ROBO1: variants seen among roughly 807,000 people sequenced by gnomAD.
The protein encoded by ROBO1 is roundabout guidance receptor 1.
Under a neutral mutation model 195.9 loss-of-function variants are expected in ROBO1, and 149 were observed. That is an observed-to-expected ratio of 0.76 (90% CI 0.67 to 0.87). The LOEUF is 0.87. Among genes scored for constraint, ROBO1 ranks in the 40% least tolerant of loss-of-function variants. The probability of loss-of-function intolerance (pLI) is 0.00; values close to 1 mark genes in which losing one functional copy is unlikely to be tolerated. For synonymous variants in ROBO1, 816 were observed against 733.2 expected (o/e 1.11, Z -1.82); for missense variants, 1,933 against 2,068.3 (o/e 0.93, Z 1.27).
intron 4 of ROBO1, among the ~76,000 whole-genome samples, chr3:78,774,164 A>G (rs2083446166): frequency 6.6e-6 from 1 of 152,172 alleles, no homozygotes; most frequent in South Asian, 2.1e-4. Flanking sequence ...TTAGTCATTT[A>G]GTTCAGCTAT....
At chr3:78,804,093 A>G (rs1168679650) in intron 4 of ROBO1, among the ~76,000 whole-genome samples, 1 of 152,148 alleles carries the variant, frequency 6.6e-6, no homozygotes, top group Non-Finnish European at 1.5e-5. Context: ...AAGCTAACAA[A>G]TCTCCGCTCA....
intron 2 of ROBO1, among the ~76,000 whole-genome samples, chr3:79,137,378 C>T (rs1247325442): frequency 6.6e-6 from 1 of 150,794 alleles, no homozygotes; most frequent in Non-Finnish European, 1.5e-5. Flanking sequence ...CAGGACGTTA[C>T]TAAATAAAAA....
chr3:79,413,438 G>A (rs1443828826), intron 2 of ROBO1, among the ~76,000 whole-genome samples: 5 of 151,984 alleles, frequency 3.3e-5, no homozygotes, highest in Admixed American at 2.6e-4. Flanking sequence ...AATAGGCTGG[G>A]TATAAGGCAA....
chr3:78,878,129 C>G (rs754851105), intron 4 of ROBO1, among the ~76,000 whole-genome samples: 1 of 151,928 alleles, frequency 6.6e-6, no homozygotes, highest in Non-Finnish European at 1.5e-5. Flanking sequence ...TTTAAAATAC[C>G]AAGAACCCAA....
chr3:78,952,834 T>C lies in ROBO1; in HGVS notation c.173-13907A>G, dbSNP rs539487754. On this transcript the variant is annotated intron_variant, in intron 3 of 30. Transcript: ENST00000464233. ...TACTTTATTTTATTCTAATGTCTCTTGATTATAAACTTCTACCTAAGCAAA... is the reference window on the plus strand; with the variant it reads ...TACTTTATTTTATTCTAATGTCTCTCGATTATAAACTTCTACCTAAGCAAA... Among the ~76,000 whole-genome samples, 432 of 152,188 alleles carry C rather than the reference T, an allele frequency of 2.8e-3. 2 individuals are homozygous for C. Among genetic ancestry groups the C allele is most frequent in the Middle Eastern group, 0.017 (5 of 294 alleles).
At chr3:79,116,420 T>A (rs1171307513) in intron 3 of ROBO1, among the ~76,000 whole-genome samples, 1 of 137,026 alleles carries the variant, frequency 7.3e-6, no homozygotes. Flanking sequence ...CTTCCTTCTC[T>A]ATTTTCTTTT....
At chr3:78,602,338 G>A (rs113890255) in intron 29 of ROBO1, among the ~76,000 whole-genome samples, 3 of 151,968 alleles carry the variant, frequency 2.0e-5, no homozygotes, top group Non-Finnish European at 2.9e-5. Context: ...TGCCTACTCT[G>A]CCTTCACCTT....
At chr3:79,151,610 G>T (rs1213601704) in intron 2 of ROBO1, among the ~76,000 whole-genome samples, 1 of 151,646 alleles carries the variant, frequency 6.6e-6, no homozygotes, top group African/African-American at 2.4e-5. Context: ...TTAGTTTTCT[G>T]CTTATAACTT....
At chr3:79,527,036 G>A (rs1241660145) in intron 2 of ROBO1, among the ~76,000 whole-genome samples, 2 of 152,058 alleles carry the variant, frequency 1.3e-5, no homozygotes, top group Non-Finnish European at 2.9e-5. Flanking sequence ...TTACATGAAA[G>A]TTAATGACAA....
intron 3 of ROBO1, among the ~76,000 whole-genome samples, chr3:78,961,005 T>A (rs1028447369): frequency 6.6e-6 from 1 of 152,170 alleles, no homozygotes; most frequent in Non-Finnish European, 1.5e-5. Context: ...AATTGGAATC[T>A]TATTTATGCC....
chr3:78,792,546 G>A (rs1473680896), intron 4 of ROBO1, among the ~76,000 whole-genome samples: 1 of 152,136 alleles, frequency 6.6e-6, no homozygotes, highest in Non-Finnish European at 1.5e-5. Context: ...GGAATGAGCA[G>A]CCTGTGTTTC....
chr3:78,652,136 G>A (rs756066879), intron 18 of ROBO1, among the ~76,000 whole-genome samples: 12 of 152,118 alleles, frequency 7.9e-5, no homozygotes, highest in Non-Finnish European at 1.5e-4. Flanking sequence ...CAAAGCAAGT[G>A]TGACAATTGT....
intron 3 of ROBO1, among the ~76,000 whole-genome samples, chr3:79,124,569 C>T (rs2080179945): frequency 6.6e-6 from 1 of 152,100 alleles, no homozygotes. Context: ...ACCCTAACTA[C>T]CCCACCTCAT....
intron 2 of ROBO1, among the ~76,000 whole-genome samples, chr3:79,271,694 GTA>G (rs148280468): frequency 6.6e-6 from 1 of 150,720 alleles, no homozygotes; most frequent in African/African-American, 2.4e-5. Flanking sequence ...ATGTATATGT[GTA>G]TATATATATA....
intron 1 of ROBO1, among the ~76,000 whole-genome samples, chr3:79,681,940 T>C (rs954222255): frequency 1.9e-4 from 29 of 152,070 alleles, no homozygotes; most frequent in Non-Finnish European, 3.2e-4. Context: ...TATTATTTCA[T>C]TGTTACTGCT....
chr3:79,230,624 G>GA (rs1048592923), intron 2 of ROBO1, among the ~76,000 whole-genome samples: 11 of 151,786 alleles, frequency 7.2e-5, no homozygotes, highest in Non-Finnish European at 1.3e-4. Flanking sequence ...CAAATGAGTG[G>GA]AAAAAAAATC....
intron 4 of ROBO1, among the ~76,000 whole-genome samples, chr3:78,849,649 C>A (rs188303331): frequency 6.6e-6 from 1 of 151,588 alleles, no homozygotes; most frequent in Non-Finnish European, 1.5e-5. Flanking sequence ...ATATCATTTT[C>A]CTTTTGTAGC....
At chr3:79,624,268 A>T (rs1236865959) in intron 1 of ROBO1, among the ~76,000 whole-genome samples, 1 of 152,168 alleles carries the variant, frequency 6.6e-6, no homozygotes. Context: ...GACCAAAGAC[A>T]CTATGAAGAA....
At chr3:79,144,798 C>T (rs1349472923) in intron 2 of ROBO1, among the ~76,000 whole-genome samples, 2 of 151,876 alleles carry the variant, frequency 1.3e-5, no homozygotes, top group Non-Finnish European at 2.9e-5. Context: ...AAATAATAAT[C>T]ATTTAAGTAT....
Sources: gnomAD v4.1 joint callset for allele counts (sites outside exome capture counted in the v4.1 genomes callset) on GRCh38, gnomAD v4.1.1 for gene constraint, MANE v1.5 for transcripts, NCBI Gene and HGNC (gene_info 2026-07-23, HGNC 2026-07-21) for gene names.